Variants in OR2C3 observed in about 807,000 individuals in gnomAD.
The protein encoded by OR2C3 is olfactory receptor family 2 subfamily C member 3.
For synonymous variants in OR2C3, 178 were observed against 163.4 expected (o/e 1.09, Z -0.68); for missense variants, 425 against 401.5 (o/e 1.06, Z -0.50).
In OR2C3 at chr1:247,528,080, C is replaced by T. The variant is rs1243537558; in HGVS notation, c.*3469G>A. On this transcript the variant is annotated 3_prime_UTR_variant, in exon 3 of 3. Transcript: ENST00000641802. ...GTTTCTTCGGTCTTTGGGTTCTAAA[C>T]TGAGTAAAAAATGTCAGTAACTTGA... 6.6e-6 allele frequency: 1 copy of T among 152,112 alleles called. No homozygotes were observed. Among genetic ancestry groups the T allele is most frequent in the East Asian group, 1.9e-4 (1 of 5,190 alleles). 9.4% of individuals were successfully genotyped at this position (152,112 alleles called of 1,614,324 possible).
In OR2C3 at chr1:247,527,891, C is replaced by G. The variant is rs910276806; in HGVS notation, c.*3658G>C. On this transcript the variant is annotated 3_prime_UTR_variant, in exon 3 of 3. Transcript: ENST00000641802. This position sits in a 1 kb window ranked among gnomAD's most constrained non-coding sequence, Gnocchi z 4.6. ...TTTAACAAATCTCTTCTCATTCCCCCACCCCTGCTATCCATTCCCAGCCTC... is the reference window on the plus strand; with the variant it reads ...TTTAACAAATCTCTTCTCATTCCCCGACCCCTGCTATCCATTCCCAGCCTC... 6 of 152,294 alleles carry G rather than the reference C, an allele frequency of 3.9e-5. No homozygotes were observed. In the East Asian group the frequency reaches 9.6e-4, roughly 24 times the overall value. The allele number at this position is 152,294 out of a possible 1,614,324, so 9.4% of individuals were successfully genotyped here.
intron 1 of OR2C3, among the ~76,000 whole-genome samples, chr1:247,534,996 A>G (rs1667158794): frequency 1.3e-5 from 2 of 152,084 alleles, no homozygotes; most frequent in Non-Finnish European, 2.9e-5. Context: ...CATCCTGGAG[A>G]ATACATTCCA....
intron 1 of OR2C3, among the ~76,000 whole-genome samples, chr1:247,535,418 G>T (rs79867711): frequency 0.022 from 3,370 of 152,290 alleles, 109 homozygotes; most frequent in African/African-American, 0.077. Flanking sequence ...AACTGGGATT[G>T]GGAGAGTTAG....
Position 247,531,602 on chromosome 1 carries a change from G to T in OR2C3, c.910C>A (p.His304Asn), listed in dbSNP as rs769488555. The T allele has an allele frequency of 6.8e-6, 11 of 1,614,020 alleles. No individual in the cohort carries two copies. Among genetic ancestry groups the T allele is most frequent in the African/African-American group, 1.3e-5 (1 of 74,900 alleles). Residue 304 changes from histidine (H) to asparagine (N), a missense_variant, in exon 3 of 3, where the codon CAC (histidine) becomes AAC (asparagine). Transcript: ENST00000641802. The stretch of plus-strand genomic sequence containing the variant: ...CCACAGCAGTTCTCTAATACCATGT[G>T]CCGGAGGGCGCTCTTCACCTCCGTG... ...RNTEVKSALR[H>N]MVLENCCGSA...
rs1666703087 is a variant in OR2C3 at position 247,526,903 on chromosome 1, C to G, written c.*4646G>C. ...TTAAATCCAAGTAAGATGGGACTTC[C>G]CTCTATTTAGAAAGGTCTTCTTTCA... On this transcript the variant is annotated 3_prime_UTR_variant, in exon 3 of 3. Coordinates refer to ENST00000641802, the MANE Select transcript of OR2C3 (RefSeq NM_198074.6). This position sits in a 1 kb window ranked among gnomAD's most constrained non-coding sequence, Gnocchi z 4.8. The G allele has an allele frequency of 1.8e-5, 8 of 451,174 alleles. No individual in the cohort carries two copies. Among genetic ancestry groups the G allele is most frequent in the South Asian group, 1.3e-4 (8 of 63,230 alleles). The allele number at this position is 451,174 out of a possible 1,614,324, so 27.9% of individuals were successfully genotyped here.
At position 247,533,656 on chromosome 1, in the gene OR2C3, C is replaced by T. The variant is rs1046595209; in HGVS notation, c.-179G>A. 6.6e-6 allele frequency: 1 copy of T among 152,158 alleles called. No individual in the cohort carries two copies. The highest frequency in any genetic ancestry group is 1.5e-5 in the Non-Finnish European group (1 of 68,038). The allele number at this position is 152,158 out of a possible 1,614,324, so 9.4% of individuals were successfully genotyped here. The stretch of plus-strand genomic sequence containing the variant: ...TCAGTCCATCAGTATTAGATCATGC[C>T]CTTCATGTTCAATCATATTTCTACA... On this transcript the variant is annotated 5_prime_UTR_variant, in exon 2 of 3. Transcript: ENST00000641802.
chr1:247,530,512 T>A lies in OR2C3; in HGVS notation c.*1037A>T, dbSNP rs1666880672. ...TCCCTGAACCAGTCCACAAACACCA[T>A]GCCATCCCCCCCCCACAAAATAACA... On this transcript the variant is annotated 3_prime_UTR_variant, in exon 3 of 3. Transcript: ENST00000641802. 2 of 96,248 alleles carry A rather than the reference T, an allele frequency of 2.1e-5. No individual in the cohort carries two copies. Among genetic ancestry groups the A allele is most frequent in the Non-Finnish European group, 2.3e-5 (1 of 43,070 alleles). 6.0% of individuals were successfully genotyped at this position (96,248 alleles called of 1,614,324 possible).
At position 247,530,806 on chromosome 1, in the gene OR2C3, G is replaced by GTGGCCTAAACGGGCAGCCGAGCCCGCC. The variant is rs1666908401; in HGVS notation, c.*742_*743insGGCGGGCTCGGCTGCCCGTTTAGGCCA. On this transcript the variant is annotated 3_prime_UTR_variant, in exon 3 of 3. Coordinates refer to ENST00000641802, the MANE Select transcript of OR2C3 (RefSeq NM_198074.6). ...CGCCCAGGACGTGGACCTGCCGGCC[G>GTGGCCTAAACGGGCAGCCGAGCCCGCC]CCTCTGGACCGCCTTCCTCGCCCTC... The GTGGCCTAAACGGGCAGCCGAGCCCGCC allele has an allele frequency of 1.7e-4, 1 of 5,812 alleles. No individual in the cohort carries two copies. Among genetic ancestry groups the GTGGCCTAAACGGGCAGCCGAGCCCGCC allele is most frequent in the East Asian group, 0.029 (1 of 34 alleles). The allele number at this position is 5,812 out of a possible 1,614,324, so 0.4% of individuals were successfully genotyped here. A position where few individuals can be genotyped will look rare whatever the true frequency, so the allele number is the denominator to read the frequency against.
At chr1:247,534,786 A>G (rs1667151540) in intron 1 of OR2C3, among the ~76,000 whole-genome samples, 1 of 152,192 alleles carries the variant, frequency 6.6e-6, no homozygotes, top group Admixed American at 6.5e-5. Context: ...AGACATGAAC[A>G]GACATGTGCA....
chr1:247,532,472 CAA>C lies in OR2C3; in HGVS notation c.38_39del (p.Phe13CysfsTer72). 1 of 1,613,966 alleles carries C rather than the reference CAA, an allele frequency of 6.2e-7. No individual in the cohort carries two copies. Among genetic ancestry groups the C allele is most frequent in the South Asian group, 1.1e-5 (1 of 91,066 alleles). On this transcript the variant is annotated frameshift_variant, in exon 3 of 3. Transcript: ENST00000641802. LOFTEE classifies it low-confidence loss of function (END_TRUNC). Reference protein sequence around the residue: ...EIANVSSPEVFVLLGFSTRPS... With the variant: ...EIANVSSPEVXVLLGFSTRPS... ...GGTCGTGTGGAGAAGCCCAGGAGGA[CAA>C]AGACTTCTGGAGAACTCACATTGGC...
chr1:247,531,854 C>G lies in OR2C3; in HGVS notation c.658G>C (p.Gly220Arg), dbSNP rs776976495. Reference protein sequence around the residue: ...LPLGLILVSYGHIARAVLKIR... With the variant: ...LPLGLILVSYRHIARAVLKIR... ...TTCAACACGGCCCGGGCAATGTGGC[C>G]GTAAGAGACCAGGATGAGCCCCAGA... is the stretch of plus-strand genomic sequence containing the variant. Residue 220 changes from glycine (G) to arginine (R), a missense_variant, in exon 3 of 3, where the codon GGC (glycine) becomes CGC (arginine). Transcript: ENST00000641802. 3 of 1,614,088 alleles carry G rather than the reference C, an allele frequency of 1.9e-6. No individual in the cohort carries two copies. Among genetic ancestry groups the G allele is most frequent in the Admixed American group, 3.3e-5 (2 of 60,018 alleles).
intron 1 of OR2C3, among the ~76,000 whole-genome samples, chr1:247,535,488 G>C (rs1251532418): frequency 6.6e-6 from 1 of 152,228 alleles, no homozygotes; most frequent in Non-Finnish European, 1.5e-5. Context: ...CCGCAGGTGA[G>C]CTGAAAAACA....
At position 247,531,267 on chromosome 1, in the gene OR2C3, A is replaced by G; in HGVS notation, c.*282T>C. 1 of 419,784 alleles carries G rather than the reference A, an allele frequency of 2.4e-6. No homozygotes were observed. The highest frequency in any genetic ancestry group is 3.2e-5 in the South Asian group (1 of 31,126). The allele number at this position is 419,784 out of a possible 1,614,324, so 26.0% of individuals were successfully genotyped here. A position where few individuals can be genotyped will look rare whatever the true frequency, so the allele number is the denominator to read the frequency against. On this transcript the variant is annotated 3_prime_UTR_variant, in exon 3 of 3. Transcript: ENST00000641802. Reference sequence around the variant, plus strand: ...AATCCACCCGCTTCGGATACTGAGGAACAGCTGAACAACAACGCAAGGAGT... The same window carrying G: ...AATCCACCCGCTTCGGATACTGAGGGACAGCTGAACAACAACGCAAGGAGT...
At chr1:247,534,335 A>G (rs1213895398) in intron 1 of OR2C3, among the ~76,000 whole-genome samples, 1 of 152,160 alleles carries the variant, frequency 6.6e-6, no homozygotes, top group Non-Finnish European at 1.5e-5. Flanking sequence ...GCATCATGAA[A>G]CAGGTTGCTA....
At chr1:247,536,085 A>G (rs1667206010) in intron 1 of OR2C3, 83 bp downstream of exon 1, 1 of 150,800 alleles carries the variant, frequency 6.6e-6, no homozygotes, top group Non-Finnish European at 1.5e-5. Flanking sequence ...TGGAATTACC[A>G]GAAAGTCTGA....
rs1024129150 is a variant in OR2C3, at chr1:247,524,733, CACAAAGGAA to C, written c.*6807_*6815del. 6.6e-6 allele frequency: 1 copy of C among 150,602 alleles called. No individual in the cohort carries two copies. Among genetic ancestry groups the C allele is most frequent in the Admixed American group, 6.6e-5 (1 of 15,234 alleles). The allele number at this position is 150,602 out of a possible 1,614,324, so 9.3% of individuals were successfully genotyped here. A position where few individuals can be genotyped will look rare whatever the true frequency, so the allele number is the denominator to read the frequency against. ...CATATAACATTTAAAACTTTTGTACCACAAAGGAAACAAACAAAACATAGCAAAAGGATA... is the reference window on the plus strand; with the variant it reads ...CATATAACATTTAAAACTTTTGTACCACAAACAAAACATAGCAAAAGGATA... On this transcript the variant is annotated 3_prime_UTR_variant, in exon 3 of 3. Coordinates refer to ENST00000641802, the MANE Select transcript of OR2C3 (RefSeq NM_198074.6).
Position 247,532,841 on chromosome 1 carries a change from C to T in OR2C3, c.-29-301G>A, listed in dbSNP as rs1438477124. On this transcript the variant is annotated intron_variant, in intron 2 of 2. Transcript: ENST00000641802. ...GGATGGCATTGCATTACCTTCCTCA[C>T]GGCCAACTTGGACTGTATAATAAAA... 2.8e-5 allele frequency among the ~76,000 whole-genome samples: 4 copies of T among 145,332 alleles called. No individual in the cohort carries two copies. In the East Asian group the frequency reaches 6.2e-4, roughly 22 times the overall value.
rs186806588 is a variant in OR2C3, at chr1:247,530,703, A to C, written c.*846T>G. The C allele has an allele frequency of 2.6e-5, 4 of 151,272 alleles. No individual in the cohort carries two copies. The allele number at this position is 151,272 out of a possible 1,614,324, so 9.4% of individuals were successfully genotyped here. ...GAAGTAATAAAATGCACACAAAACA[A>C]TGGATAGAATATGAAAATGTCTTGG... is the stretch of plus-strand genomic sequence containing the variant. On this transcript the variant is annotated 3_prime_UTR_variant, in exon 3 of 3. Transcript: ENST00000641802.
chr1:247,528,244 T>C lies in OR2C3; in HGVS notation c.*3305A>G, dbSNP rs866115680. ...AATTATTTTTTAAATTTCATTTTAG[T>C]TTGTTTTTAATTCACAAATAACAAT... On this transcript the variant is annotated 3_prime_UTR_variant, in exon 3 of 3. Transcript: ENST00000641802. 3.6e-4 allele frequency: 54 copies of C among 151,996 alleles called. No individual in the cohort carries two copies. Among genetic ancestry groups the C allele is most frequent in the African/African-American group, 1.0e-3 (43 of 41,470 alleles). The allele number at this position is 151,996 out of a possible 1,614,324, so 9.4% of individuals were successfully genotyped here. A position where few individuals can be genotyped will look rare whatever the true frequency, so the allele number is the denominator to read the frequency against.
Sources: gnomAD v4.1 joint callset for allele counts (sites outside exome capture counted in the v4.1 genomes callset) on GRCh38, gnomAD v4.1.1 for gene constraint, Gnocchi (gnomAD v3.1) non-coding constraint, MANE v1.5 for transcripts, NCBI Gene and HGNC (gene_info 2026-07-23, HGNC 2026-07-21) for gene names.